TACC2: variants seen among roughly 807,000 people sequenced by gnomAD.
The protein encoded by TACC2 is transforming acidic coiled-coil-containing protein 2.
Under a neutral mutation model 227.3 loss-of-function variants are expected in TACC2, and 137 were observed. The ratio of observed to expected loss-of-function variants is 0.60; its 90% CI spans 0.52 to 0.69. The LOEUF is 0.69. Among genes scored for constraint, TACC2 ranks in the 30% least tolerant of loss-of-function variants. The pLI, the probability that TACC2 is intolerant of heterozygous loss-of-function variation, is 0.00. For synonymous variants in TACC2, 1,523 were observed against 1,487.5 expected (o/e 1.02, Z -0.55); for missense variants, 3,470 against 3,694.4 (o/e 0.94, Z 1.57).
At chr10:122,009,758 T>C (rs1955691768) in intron 1 of TACC2, among the ~76,000 whole-genome samples, 1 of 151,800 alleles carries the variant, frequency 6.6e-6, no homozygotes, top group African/African-American at 2.4e-5. Flanking sequence ...AAACCCCATC[T>C]CTACTGAAAA....
intron 1 of TACC2, among the ~76,000 whole-genome samples, chr10:122,004,541 G>T (rs968877847): frequency 3.3e-5 from 5 of 152,094 alleles, no homozygotes; most frequent in African/African-American, 4.8e-5. Context: ...CTGATTACCA[G>T]ATGATTCCAC....
intron 7 of TACC2, among the ~76,000 whole-genome samples, chr10:122,157,244 C>T (rs1394319043): frequency 1.3e-5 from 2 of 152,094 alleles, no homozygotes; most frequent in Non-Finnish European, 2.9e-5. Context: ...AACCTTGTTA[C>T]CATGGAAACT....
rs201312028 is a variant in TACC2 at position 122,242,369 on chromosome 10, CCTAA to C, written c.8392+371_8392+374del. The stretch of plus-strand genomic sequence containing the variant: ...GATAATAGGAATCAAATCCCTAGAC[CCTAA>C]CTTAGTTTAGACTCAAATGACACCT... On this transcript the variant is annotated intron_variant, in intron 19 of 22. Transcript: ENST00000369005. Among the ~76,000 whole-genome samples, 13 of 152,230 alleles carry C rather than the reference CCTAA, an allele frequency of 8.5e-5. No homozygotes were observed. In the East Asian group the frequency reaches 2.1e-3, roughly 25 times the overall value.
At chr10:122,148,355 C>T (rs1156923215) in intron 7 of TACC2, among the ~76,000 whole-genome samples, 3 of 152,222 alleles carry the variant, frequency 2.0e-5, no homozygotes, top group African/African-American at 7.2e-5. Context: ...CCGACCGCCT[C>T]AGCCTCCCAA....
chr10:122,137,098 C>T (rs1230502533), intron 6 of TACC2, among the ~76,000 whole-genome samples: 1 of 151,992 alleles, frequency 6.6e-6, no homozygotes, highest in Non-Finnish European at 1.5e-5. Flanking sequence ...CACCCTTTCT[C>T]TATTGTTAAT....
intron 2 of TACC2, among the ~76,000 whole-genome samples, chr10:122,035,325 GACAA>G (rs899047818): frequency 5.9e-5 from 9 of 152,346 alleles, no homozygotes; most frequent in African/African-American, 1.9e-4. Context: ...AGAGAAGCAA[GACAA>G]ACAAGGGCCC....
At chr10:122,097,598 G>A (rs547136685) in intron 5 of TACC2, among the ~76,000 whole-genome samples, 1 of 152,220 alleles carries the variant, frequency 6.6e-6, no homozygotes, top group East Asian at 1.9e-4. Context: ...GAGAAATGAG[G>A]CTGAGGATGA....
chr10:122,168,940 A>T (rs2093335559), intron 7 of TACC2, among the ~76,000 whole-genome samples: 1 of 152,186 alleles, frequency 6.6e-6, no homozygotes. Flanking sequence ...CTTCCCTTTA[A>T]GATTAATGGT....
chr10:122,123,495 G>A (rs1243618898), intron 5 of TACC2, among the ~76,000 whole-genome samples: 1 of 152,214 alleles, frequency 6.6e-6, no homozygotes, highest in African/African-American at 2.4e-5. Context: ...GCTGGGGTCT[G>A]TGGGCCCCTC....
At chr10:122,203,160 C>T (rs958619527) in intron 8 of TACC2, among the ~76,000 whole-genome samples, 1 of 152,280 alleles carries the variant, frequency 6.6e-6, no homozygotes. Flanking sequence ...GGCCCGTTCT[C>T]AACGAGCTGC....
At chr10:122,160,864 T>C (rs749605433) in intron 7 of TACC2, among the ~76,000 whole-genome samples, 16 of 152,242 alleles carry the variant, frequency 1.1e-4, no homozygotes, top group Non-Finnish European at 1.6e-4. Flanking sequence ...GACTCTTCCA[T>C]AAATAATTTA....
intron 6 of TACC2, among the ~76,000 whole-genome samples, chr10:122,135,062 A>C (rs963996006): frequency 3.9e-5 from 6 of 152,186 alleles, no homozygotes; most frequent in Non-Finnish European, 5.9e-5. Context: ...GAAGGTGGGA[A>C]CTGCTGTCAT....
At chr10:122,021,623 CCCTTTTGTCACT>C (rs763164589) in intron 1 of TACC2, among the ~76,000 whole-genome samples, 9 of 152,040 alleles carry the variant, frequency 5.9e-5, no homozygotes, top group Non-Finnish European at 1.2e-4. Context: ...GCAAACGGAC[CCCTTTTGTCACT>C]CCGTTTGTAT....
intron 22 of TACC2, among the ~76,000 whole-genome samples, chr10:122,252,177 A>G (rs2096266057): frequency 6.6e-6 from 1 of 152,196 alleles, no homozygotes; most frequent in Admixed American, 6.5e-5. Flanking sequence ...ACTGTACATA[A>G]CGTTGTTTAA....
In TACC2 at chr10:122,119,710, T is replaced by A. The variant is rs138345794; in HGVS notation, c.5574-12899T>A. Reference sequence around the variant, plus strand: ...GGGTGGATCACCAAAGGTCAGGAGTTCAAGACCAGCCTGGCCAACATGGCA... The same window carrying A: ...GGGTGGATCACCAAAGGTCAGGAGTACAAGACCAGCCTGGCCAACATGGCA... On this transcript the variant is annotated intron_variant, in intron 5 of 22. Coordinates refer to ENST00000369005, the MANE Select transcript of TACC2 (RefSeq NM_206862.4). Among the ~76,000 whole-genome samples the A allele has an allele frequency of 4.5e-3, 688 of 152,192 alleles. 7 individuals are homozygous for A. Among genetic ancestry groups the A allele is most frequent in the African/African-American group, 0.016 (651 of 41,492 alleles).
chr10:122,103,109 A>T (rs1211114670), intron 5 of TACC2, among the ~76,000 whole-genome samples: 2 of 152,148 alleles, frequency 1.3e-5, no homozygotes, highest in Non-Finnish European at 2.9e-5. Flanking sequence ...AGAAAGAAAG[A>T]AGGAAAGTTC....
chr10:122,096,271 C>T (rs1307341132), intron 5 of TACC2, among the ~76,000 whole-genome samples: 1 of 152,202 alleles, frequency 6.6e-6, no homozygotes, highest in Non-Finnish European at 1.5e-5. Flanking sequence ...GACCTCACAT[C>T]CAGGCCTGCG....
intron 1 of TACC2, among the ~76,000 whole-genome samples, chr10:121,997,744 G>A (rs1953728598): frequency 1.3e-5 from 2 of 152,210 alleles, no homozygotes; most frequent in African/African-American, 2.4e-5. Context: ...GGGACATGCT[G>A]GGGTAGGGGA....
chr10:122,210,537 T>A lies in TACC2; in HGVS notation c.6112T>A (p.Leu2038Met). ...GATAGCCAGCAGTGGGACTTACAAC[T>A]TGGACTTTGACAACATTGAGCTTGT... ...KPIASSGTYN[L>M]DFDNIELVDT... is the part of the protein sequence containing the mutation. Residue 2038 changes from leucine to methionine, a missense_variant, in exon 9 of 23, where the codon TTG (leucine) becomes ATG (methionine). Coordinates refer to ENST00000369005, the MANE Select transcript of TACC2 (RefSeq NM_206862.4). This position sits in a 1 kb window ranked among gnomAD's most constrained non-coding sequence, Gnocchi z 4.6. The A allele has an allele frequency of 6.2e-7, 1 of 1,614,084 alleles. No homozygotes were observed. Among genetic ancestry groups the A allele is most frequent in the Non-Finnish European group, 8.5e-7 (1 of 1,179,998 alleles).
Sources: allele counts gnomAD v4.1 joint callset (sites outside exome capture counted in the v4.1 genomes callset), GRCh38; gene constraint gnomAD v4.1.1; non-coding constraint Gnocchi (gnomAD v3.1); transcripts MANE v1.5; gene names NCBI Gene and HGNC (gene_info 2026-07-23, HGNC 2026-07-21).